Variants in SLC15A5 observed in about 807,000 individuals in gnomAD.
SLC15A5 encodes solute carrier family 15 member 5.
Under a neutral mutation model 56.1 loss-of-function variants are expected in SLC15A5, and 58 were observed. The ratio of observed to expected loss-of-function variants is 1.03; its 90% CI spans 0.84 to 1.29. The LOEUF is 1.29. Among genes scored for constraint, SLC15A5 ranks in the 50% most tolerant of loss-of-function variants. SLC15A5 has a pLI of 0.00. For synonymous variants in SLC15A5, 264 were observed against 250.5 expected, an observed-to-expected ratio of 1.05 and a Z score of -0.51; for missense variants, 681 against 672.1, an observed-to-expected ratio of 1.01 and a Z score of -0.15.
At chr12:16,244,460 G>C in intron 4 of SLC15A5, 120 bp downstream of exon 4, 1 of 888,410 alleles carries the variant, frequency 1.1e-6, no homozygotes, top group South Asian at 1.6e-5. Flanking sequence ...TTTCTGTGGG[G>C]ATAACTGCCT....
At chr12:16,192,190 T>C (rs1336220935) in intron 8 of SLC15A5, among the ~76,000 whole-genome samples, 1 of 152,108 alleles carries the variant, frequency 6.6e-6, no homozygotes, top group Non-Finnish European at 1.5e-5. Context: ...GTTGTTTGTG[T>C]GTGTATAGCA....
intron 8 of SLC15A5, among the ~76,000 whole-genome samples, chr12:16,192,566 C>T (rs1345454068): frequency 6.6e-6 from 1 of 152,026 alleles, no homozygotes; most frequent in East Asian, 1.9e-4. Context: ...TAGATGTTAG[C>T]TCCATGTAGA....
chr12:16,231,203 A>C (rs1591649596), intron 5 of SLC15A5, among the ~76,000 whole-genome samples: 2 of 152,336 alleles, frequency 1.3e-5, no homozygotes, highest in African/African-American at 4.8e-5. Context: ...TATTCCACTA[A>C]AAGAAGATTT....
At chr12:16,206,597 A>G (rs1445953594) in intron 7 of SLC15A5, among the ~76,000 whole-genome samples, 4 of 152,220 alleles carry the variant, frequency 2.6e-5, no homozygotes, top group Non-Finnish European at 5.9e-5. Flanking sequence ...GGCACAGAGC[A>G]GCTGAACTGT....
intron 1 of SLC15A5, among the ~76,000 whole-genome samples, chr12:16,276,836 T>A (rs183614049): frequency 6.6e-6 from 1 of 152,152 alleles, no homozygotes; most frequent in African/African-American, 2.4e-5. Context: ...GTTAAAAATA[T>A]AGAAATCATG....
intron 7 of SLC15A5, among the ~76,000 whole-genome samples, chr12:16,200,279 T>G (rs1307864561): frequency 6.6e-6 from 1 of 151,430 alleles, no homozygotes; most frequent in East Asian, 1.9e-4. Flanking sequence ...CAAAGTTGAA[T>G]TCAAAGGAAA....
At chr12:16,216,382 T>C (rs925157973) in intron 7 of SLC15A5, among the ~76,000 whole-genome samples, 2 of 152,210 alleles carry the variant, frequency 1.3e-5, no homozygotes, top group African/African-American at 4.8e-5. Flanking sequence ...TTTCAAACAA[T>C]ATTTGAATTT....
rs1864750714 is a variant in SLC15A5 at position 16,271,156 on chromosome 12, C to T, written c.584+1405G>A. On this transcript the variant is annotated intron_variant, in intron 2 of 8. Coordinates refer to ENST00000344941, the MANE Select transcript of SLC15A5 (RefSeq NM_001170798.1). The surrounding 1 kb of genome is among the most constrained non-coding windows in gnomAD (Gnocchi z 8.0). ...CTTCCTGAAGCCCTAAAGCACACAC[C>T]CAGTGGGAGTCCCCTCTGTTTCCCA... Among the ~76,000 whole-genome samples the T allele has an allele frequency of 6.6e-6, 1 of 152,120 alleles. No homozygotes were observed. The highest frequency in any genetic ancestry group is 1.5e-5 in the Non-Finnish European group (1 of 68,022).
At position 16,188,749 on chromosome 12, in the gene SLC15A5, C is replaced by G. The variant is rs867849664; in HGVS notation, c.*919G>C. 3 of 152,172 alleles carry G rather than the reference C, an allele frequency of 2.0e-5. No individual in the cohort carries two copies. Among genetic ancestry groups the G allele is most frequent in the African/African-American group, 7.2e-5 (3 of 41,446 alleles). 9.4% of individuals were successfully genotyped at this position (152,172 alleles called of 1,614,324 possible). ...TCTGTATAGGGGCCAGAAAGATTCACCTGTAGCAAGTTGTCCTCAACCAAA... is the reference window on the plus strand; with the variant it reads ...TCTGTATAGGGGCCAGAAAGATTCAGCTGTAGCAAGTTGTCCTCAACCAAA... On this transcript the variant is annotated 3_prime_UTR_variant, in exon 9 of 9. Transcript: ENST00000344941.
At chr12:16,264,096 C>T (rs959429316) in intron 2 of SLC15A5, among the ~76,000 whole-genome samples, 33 of 152,164 alleles carry the variant, frequency 2.2e-4, no homozygotes, top group Non-Finnish European at 4.1e-4. Flanking sequence ...ACAGCTTGCA[C>T]CGTGTGCCTG....
chr12:16,192,724 G>A (rs1293911095), intron 8 of SLC15A5, among the ~76,000 whole-genome samples: 2 of 151,960 alleles, frequency 1.3e-5, no homozygotes, highest in Admixed American at 6.6e-5. Flanking sequence ...GCATGACTGC[G>A]GTCATCTTGG....
At chr12:16,270,957 A>G (rs1864747872) in intron 2 of SLC15A5, among the ~76,000 whole-genome samples, 1 of 152,212 alleles carries the variant, frequency 6.6e-6, no homozygotes, top group African/African-American at 2.4e-5. Context: ...TTATCACATT[A>G]AAAAATAACA....
chr12:16,259,952 C>A (rs1423327129), intron 2 of SLC15A5, among the ~76,000 whole-genome samples: 1 of 149,958 alleles, frequency 6.7e-6, no homozygotes, highest in East Asian at 2.0e-4. Context: ...AGATCCAAGA[C>A]AAGTTCCTCA....
At chr12:16,217,597 G>T (rs1864142758) in intron 6 of SLC15A5, among the ~76,000 whole-genome samples, 2 of 152,158 alleles carry the variant, frequency 1.3e-5, no homozygotes, top group African/African-American at 4.8e-5. Flanking sequence ...TTCACTTGCA[G>T]AGGTGCTGGG....
chr12:16,249,999 C>A (rs1199323254), intron 3 of SLC15A5, among the ~76,000 whole-genome samples: 2 of 151,926 alleles, frequency 1.3e-5, no homozygotes, highest in Non-Finnish European at 2.9e-5. Context: ...GGTCCACAGG[C>A]CACAGAGCTC....
At chr12:16,209,512 T>C (rs1864058128) in intron 7 of SLC15A5, among the ~76,000 whole-genome samples, 1 of 152,138 alleles carries the variant, frequency 6.6e-6, no homozygotes, top group East Asian at 1.9e-4. Context: ...TTTTCTGGCC[T>C]CCAGATATTT....
At chr12:16,205,980 A>G (rs1195877785) in intron 7 of SLC15A5, among the ~76,000 whole-genome samples, 1 of 152,134 alleles carries the variant, frequency 6.6e-6, no homozygotes, top group Non-Finnish European at 1.5e-5. Context: ...TGTTCTAGCA[A>G]AAGTCCAAAA....
intron 7 of SLC15A5, among the ~76,000 whole-genome samples, chr12:16,207,798 T>G (rs1336826687): frequency 6.6e-6 from 1 of 151,916 alleles, no homozygotes; most frequent in Non-Finnish European, 1.5e-5. Flanking sequence ...GGATTACAGG[T>G]GCACGCCACC....
chr12:16,205,423 C>A (rs895602871), intron 7 of SLC15A5, among the ~76,000 whole-genome samples: 2 of 150,572 alleles, frequency 1.3e-5, no homozygotes, highest in Non-Finnish European at 3.0e-5. Flanking sequence ...TAGTCTAAGG[C>A]GGGAATAAGT....
Sources: gnomAD v4.1 joint callset for allele counts (sites outside exome capture counted in the v4.1 genomes callset) on GRCh38, gnomAD v4.1.1 for gene constraint, Gnocchi (gnomAD v3.1) non-coding constraint, MANE v1.5 for transcripts, NCBI Gene and HGNC (gene_info 2026-07-23, HGNC 2026-07-21) for gene names.